CSMD1: variants seen among roughly 807,000 people sequenced by gnomAD.
CSMD1 encodes the protein CUB and Sushi multiple domains 1.
A neutral mutation model predicts 417.5 loss-of-function variants in CSMD1; 213 were observed. The ratio of observed to expected loss-of-function variants is 0.51; its 90% CI spans 0.46 to 0.57. CSMD1 has a LOEUF of 0.57. Ranked by LOEUF, CSMD1 falls within the 20% of genes least tolerant of loss-of-function variation. The pLI is 0.00. For missense variants in CSMD1, 6,923 were observed against 4,529.7 expected (o/e 1.53, Z -15.17); for synonymous variants, 2,862 against 1,736.8 (o/e 1.65, Z -16.11).
chr8:4,069,230 T>A (rs1219758866), intron 3 of CSMD1, among the ~76,000 whole-genome samples: 1 of 152,176 alleles, frequency 6.6e-6, no homozygotes, highest in Non-Finnish European at 1.5e-5. Context: ...GTCATACAGA[T>A]GAGAAAATCA....
chr8:4,543,999 A>T (rs140943460), intron 2 of CSMD1, among the ~76,000 whole-genome samples: 2 of 152,166 alleles, frequency 1.3e-5, no homozygotes, highest in Admixed American at 6.6e-5. Flanking sequence ...TGAGTTTTAC[A>T]TTTAATTATA....
At chr8:4,120,514 A>G (rs554167947) in intron 3 of CSMD1, among the ~76,000 whole-genome samples, 2 of 152,214 alleles carry the variant, frequency 1.3e-5, no homozygotes, top group East Asian at 3.9e-4. Context: ...TTATTTCCAA[A>G]TTTCTATATT....
At chr8:4,319,884 G>C (rs1183385352) in intron 3 of CSMD1, among the ~76,000 whole-genome samples, 2 of 152,164 alleles carry the variant, frequency 1.3e-5, no homozygotes, top group East Asian at 1.9e-4. Flanking sequence ...CCAAGGCTGA[G>C]CTCAGGCTAC....
chr8:3,431,693 T>G (rs995450137), intron 12 of CSMD1, among the ~76,000 whole-genome samples: 1 of 152,220 alleles, frequency 6.6e-6, no homozygotes, highest in African/African-American at 2.4e-5. Context: ...CCCATAGTCT[T>G]GCTAAAATTA....
At chr8:4,858,736 C>T (rs1801954133) in intron 1 of CSMD1, among the ~76,000 whole-genome samples, 1 of 145,686 alleles carries the variant, frequency 6.9e-6, no homozygotes, top group African/African-American at 2.5e-5. Flanking sequence ...TCAAGGAGAA[C>T]TACAAACCAC....
At chr8:3,353,486 A>G (rs921679656) in intron 21 of CSMD1, among the ~76,000 whole-genome samples, 1 of 152,198 alleles carries the variant, frequency 6.6e-6, no homozygotes, top group Non-Finnish European at 1.5e-5. Context: ...AAAAACAGAT[A>G]CAACATGATA....
Position 4,798,549 on chromosome 8 carries a change from G to A in CSMD1, c.86-160991C>T, listed in dbSNP as rs980815914. Among the ~76,000 whole-genome samples the A allele has an allele frequency of 1.1e-4, 16 of 152,122 alleles. 1 individual carries two copies. In the East Asian group the frequency reaches 2.7e-3, roughly 26 times the overall value. On this transcript the variant is annotated intron_variant, in intron 1 of 69. Transcript: ENST00000635120. ...GGTTAGTATCTGACAACTAGTCACA[G>A]GCAAGCTAAGGTGGAAAATAAACTC...
At chr8:4,499,667 A>C (rs1020628270) in intron 2 of CSMD1, among the ~76,000 whole-genome samples, 1 of 152,254 alleles carries the variant, frequency 6.6e-6, no homozygotes, top group Non-Finnish European at 1.5e-5. Context: ...TGTTATAAAT[A>C]TCAGATTTTA....
intron 11 of CSMD1, among the ~76,000 whole-genome samples, chr8:3,478,367 A>T (rs1191679314): frequency 6.6e-6 from 1 of 152,214 alleles, no homozygotes; most frequent in Non-Finnish European, 1.5e-5. Context: ...GATTTCCTTT[A>T]CTGAGTGCAG....
chr8:3,919,913 G>A (rs1809110385), intron 5 of CSMD1, among the ~76,000 whole-genome samples: 1 of 151,716 alleles, frequency 6.6e-6, no homozygotes, highest in African/African-American at 2.4e-5. Context: ...ATTTTTTTGG[G>A]AATTTCTTTA....
At chr8:3,647,993 A>G (rs547868714) in intron 7 of CSMD1, among the ~76,000 whole-genome samples, 25 of 152,334 alleles carry the variant, frequency 1.6e-4, no homozygotes, top group South Asian at 6.2e-4. Flanking sequence ...TTTTTCGAGG[A>G]GGCAGAACAG....
intron 3 of CSMD1, among the ~76,000 whole-genome samples, chr8:4,228,973 C>G (rs746549052): frequency 2.0e-5 from 3 of 152,066 alleles, no homozygotes. Flanking sequence ...AGCCAGGACC[C>G]CTGATTTTAA....
intron 3 of CSMD1, among the ~76,000 whole-genome samples, chr8:4,034,978 C>A (rs554436118): frequency 6.6e-6 from 1 of 152,136 alleles, no homozygotes; most frequent in African/African-American, 2.4e-5. Flanking sequence ...CTGCGCGACT[C>A]TTCTATACGT....
Position 4,452,871 on chromosome 8 carries a change from C to G in CSMD1, c.303-32806G>C, listed in dbSNP as rs146866217. 6.2e-3 allele frequency among the ~76,000 whole-genome samples: 943 copies of G among 152,116 alleles called. 11 individuals are homozygous for G. The highest frequency in any genetic ancestry group is 0.022 in the African/African-American group (913 of 41,478). Reference sequence around the variant, plus strand: ...AAATGAGAAGGTGATATAGGAAGGCCGACTGTGAAACAAATTCAGTAGAGA... The same window carrying G: ...AAATGAGAAGGTGATATAGGAAGGCGGACTGTGAAACAAATTCAGTAGAGA... On this transcript the variant is annotated intron_variant, in intron 2 of 69. Transcript: ENST00000635120.
At chr8:3,672,359 G>A (rs1362148410) in intron 7 of CSMD1, among the ~76,000 whole-genome samples, 1 of 147,284 alleles carries the variant, frequency 6.8e-6, no homozygotes, top group Admixed American at 6.9e-5. Flanking sequence ...TGTAGTGTGT[G>A]TCGGCATTTA....
chr8:4,749,765 TG>T (rs1448782807), intron 1 of CSMD1, among the ~76,000 whole-genome samples: 5 of 152,290 alleles, frequency 3.3e-5, no homozygotes, highest in Admixed American at 6.5e-5. Context: ...ACCATCTAGA[TG>T]CATTAAAATG....
chr8:4,641,780 A>G (rs1344431626), intron 1 of CSMD1, among the ~76,000 whole-genome samples: 3 of 152,204 alleles, frequency 2.0e-5, no homozygotes, highest in African/African-American at 4.8e-5. Flanking sequence ...AAATACAGAC[A>G]TTCGGAAAAT....
At chr8:3,501,211 G>C (rs543585865) in intron 10 of CSMD1, among the ~76,000 whole-genome samples, 2 of 152,042 alleles carry the variant, frequency 1.3e-5, no homozygotes, top group African/African-American at 4.8e-5. Context: ...TGATCTCTAT[G>C]ATCTTTGCCT....
chr8:4,036,356 G>T (rs552756184), intron 3 of CSMD1, among the ~76,000 whole-genome samples: 4 of 152,038 alleles, frequency 2.6e-5, no homozygotes, highest in Admixed American at 1.3e-4. Flanking sequence ...CTCCAAAATT[G>T]TTACCATGGT....
Sources: gnomAD v4.1 joint callset for allele counts (sites outside exome capture counted in the v4.1 genomes callset) on GRCh38, gnomAD v4.1.1 for gene constraint, MANE v1.5 for transcripts, NCBI Gene and HGNC (gene_info 2026-07-23, HGNC 2026-07-21) for gene names.